METTL8: variants seen among roughly 807,000 people sequenced by gnomAD.
METTL8 encodes the protein tRNA N(3)-cytidine methyltransferase METTL8, mitochondrial.
A neutral mutation model predicts 48.7 loss-of-function variants in METTL8; 32 were observed. The observed-to-expected ratio is 0.66, with a 90% confidence interval of 0.50 to 0.88. The LOEUF (loss-of-function observed/expected upper bound fraction) is 0.88. Ranked by LOEUF, METTL8 falls within the 40% of genes least tolerant of loss-of-function variation. The pLI is 0.00. For missense variants in METTL8, 464 were observed against 474.4 expected, an observed-to-expected ratio of 0.98 and a Z score of 0.20; for synonymous variants, 136 against 157.1, an observed-to-expected ratio of 0.87 and a Z score of 1.01.
chr2:171,376,755 T>C lies in METTL8; in HGVS notation c.143+15288A>G, dbSNP rs189230662. ...TGCTCATGGATGGGTACAATCAATA[T>C]TGTAAAAATTACCGTACTGCCAAAA... is the stretch of plus-strand genomic sequence containing the variant. On this transcript the variant is annotated intron_variant, in intron 2 of 9. Coordinates refer to ENST00000375258, the MANE Select transcript of METTL8 (RefSeq NM_001321154.2). Among the ~76,000 whole-genome samples the C allele has an allele frequency of 9.8e-5, 15 of 152,296 alleles. No individual in the cohort carries two copies. In the East Asian group the frequency reaches 1.9e-3, roughly 20 times the overall value.
chr2:171,396,913 G>C (rs1243708262), intron 1 of METTL8, among the ~76,000 whole-genome samples: 1 of 150,852 alleles, frequency 6.6e-6, no homozygotes, highest in African/African-American at 2.4e-5. Context: ...GAGTGCAATG[G>C]CACGATCATA....
intron 3 of METTL8, among the ~76,000 whole-genome samples, chr2:171,341,998 T>C (rs1443904091): frequency 1.3e-5 from 2 of 152,190 alleles, no homozygotes; most frequent in African/African-American, 2.4e-5. Context: ...TTTTGATCCA[T>C]GTGAATTTAC....
intron 2 of METTL8, among the ~76,000 whole-genome samples, chr2:171,368,708 T>A (rs1685973240): frequency 6.6e-6 from 1 of 152,152 alleles, no homozygotes; most frequent in South Asian, 2.1e-4. Flanking sequence ...AAAGGATCTA[T>A]CCAAAGTGCA....
At chr2:171,348,786 TTC>T (rs1683566976) in intron 3 of METTL8, among the ~76,000 whole-genome samples, 2 of 152,132 alleles carry the variant, frequency 1.3e-5, no homozygotes, top group Non-Finnish European at 1.5e-5. Context: ...TTGTATAAAT[TTC>T]TGTGTCTATT....
rs185968745 is a variant in METTL8, at chr2:171,370,770, A to G, written c.144-10257T>C. ...CAGGCCACTGCACTCCAGCCTGGGCAACAGAGTGAGACTCCGTCTCAAAAA... is the reference window on the plus strand; with the variant it reads ...CAGGCCACTGCACTCCAGCCTGGGCGACAGAGTGAGACTCCGTCTCAAAAA... On this transcript the variant is annotated intron_variant, in intron 2 of 9. Coordinates refer to ENST00000375258, the MANE Select transcript of METTL8 (RefSeq NM_001321154.2). Among the ~76,000 whole-genome samples the G allele has an allele frequency of 1.4e-3, 214 of 152,266 alleles. 4 individuals are homozygous for G. In the East Asian group the frequency reaches 0.015, roughly 11 times the overall value.
At chr2:171,330,751 A>T in intron 6 of METTL8, 53 bp from the exon 7 acceptor site, 1 of 1,196,398 alleles carries the variant, frequency 8.4e-7, no homozygotes, top group South Asian at 1.7e-5. Context: ...GACTTCCGGG[A>T]TTTTTTTTTT....
chr2:171,411,518 A>C (rs1690746073), intron 1 of METTL8, among the ~76,000 whole-genome samples: 1 of 152,238 alleles, frequency 6.6e-6, no homozygotes, highest in South Asian at 2.1e-4. Flanking sequence ...AACGAGTTAG[A>C]ATACATATAT....
rs1454667655 is a variant in METTL8 at position 171,339,166 on chromosome 2, G to T, written c.606+18C>A. On this transcript the variant is annotated intron_variant, in intron 4 of 9. Transcript: ENST00000375258. ...AAATTATTTGTCACCTCCCATTTTT[G>T]TCCCTTGAGCACAATACCTCTAGTA... 1 of 1,423,536 alleles carries T rather than the reference G, an allele frequency of 7.0e-7. No homozygotes were observed. Among genetic ancestry groups the T allele is most frequent in the Non-Finnish European group, 9.3e-7 (1 of 1,079,970 alleles). The allele number at this position is 1,423,536 out of a possible 1,614,324, so 88.2% of individuals were successfully genotyped here. A position where few individuals can be genotyped will look rare whatever the true frequency, so the allele number is the denominator to read the frequency against.
chr2:171,384,900 C>T (rs933464498), intron 2 of METTL8, among the ~76,000 whole-genome samples: 2 of 151,746 alleles, frequency 1.3e-5, no homozygotes, highest in African/African-American at 4.8e-5. Flanking sequence ...ACTAGTAATA[C>T]AAATACCCAG....
chr2:171,331,582 A>AAT (rs1243858105), intron 6 of METTL8, among the ~76,000 whole-genome samples: 2 of 151,494 alleles, frequency 1.3e-5, no homozygotes, highest in Non-Finnish European at 2.9e-5. Context: ...ACAGCCAGCT[A>AAT]ATTTTTTTAT....
At chr2:171,381,687 A>G (rs182469072) in intron 2 of METTL8, among the ~76,000 whole-genome samples, 145 of 152,346 alleles carry the variant, frequency 9.5e-4, no homozygotes, top group Admixed American at 2.6e-3. Context: ...TGCAAATCAA[A>G]ACCATGATGA....
rs1201039347 is a variant in METTL8 at position 171,321,927 on chromosome 2, A to G, written c.*2245T>C. The G allele has an allele frequency of 2.0e-5, 3 of 152,132 alleles. No individual in the cohort carries two copies. Among genetic ancestry groups the G allele is most frequent in the African/African-American group, 7.2e-5 (3 of 41,428 alleles). 9.4% of individuals were successfully genotyped at this position (152,132 alleles called of 1,614,324 possible). ...TTCTACAAAATGTGATTTGCAAGCC[A>G]ACTTATGTCCTTTTTGAAGCAAGGG... On this transcript the variant is annotated 3_prime_UTR_variant, in exon 10 of 10. Coordinates refer to ENST00000375258, the MANE Select transcript of METTL8 (RefSeq NM_001321154.2).
At position 171,340,198 on chromosome 2, in the gene METTL8, C is replaced by CA. The variant is rs35343261; in HGVS notation, c.236-645dup. ...GGGCAACAAGAGTGAAACTCTGTCT[C>CA]AAAAAAAAAAAAAAAGAATGAGGGC... On this transcript the variant is annotated intron_variant, in intron 3 of 9. Coordinates refer to ENST00000375258, the MANE Select transcript of METTL8 (RefSeq NM_001321154.2). Among the ~76,000 whole-genome samples, 488 of 127,408 alleles carry CA rather than the reference C, an allele frequency of 3.8e-3. 1 individual carries two copies. Among genetic ancestry groups the CA allele is most frequent in the African/African-American group, 0.013 (436 of 33,590 alleles). The allele number at this position is 127,408 out of a possible 152,430, so 83.6% of individuals were successfully genotyped here.
intron 3 of METTL8, among the ~76,000 whole-genome samples, chr2:171,349,624 A>G (rs1291463924): frequency 6.6e-6 from 1 of 152,198 alleles, no homozygotes; most frequent in Non-Finnish European, 1.5e-5. Context: ...TGCTATGAAC[A>G]TAGGTGTGCA....
chr2:171,423,741 T>C (rs369283760), intron 1 of METTL8, among the ~76,000 whole-genome samples: 9 of 152,224 alleles, frequency 5.9e-5, no homozygotes, highest in African/African-American at 2.2e-4. Flanking sequence ...AAGCAGAGCA[T>C]AAACGTTTGA....
chr2:171,347,210 G>T (rs1034231686), intron 3 of METTL8, among the ~76,000 whole-genome samples: 3 of 152,146 alleles, frequency 2.0e-5, no homozygotes, highest in African/African-American at 7.2e-5. Context: ...AACTTGCACA[G>T]AAAGAGACTG....
chr2:171,422,513 T>C (rs889117415), intron 1 of METTL8, among the ~76,000 whole-genome samples: 1 of 152,244 alleles, frequency 6.6e-6, no homozygotes, highest in African/African-American at 2.4e-5. Flanking sequence ...CTTCTTTTTT[T>C]ATATAGTATC....
At chr2:171,341,284 C>T (rs928903492) in intron 3 of METTL8, among the ~76,000 whole-genome samples, 5 of 150,624 alleles carry the variant, frequency 3.3e-5, no homozygotes, top group African/African-American at 1.2e-4. Context: ...GCCGAGATCA[C>T]GCCATTGCAC....
rs563301311 is a variant in METTL8 at position 171,355,017 on chromosome 2, C to T, written c.235+5405G>A. 7.2e-4 allele frequency among the ~76,000 whole-genome samples: 110 copies of T among 152,306 alleles called. 1 individual carries two copies. The highest frequency in any genetic ancestry group is 1.1e-3 in the Non-Finnish European group (76 of 68,038). On this transcript the variant is annotated intron_variant, in intron 3 of 9. Coordinates refer to ENST00000375258, the MANE Select transcript of METTL8 (RefSeq NM_001321154.2). ...CTTTGTTCCATTGCTGGCGAGGAAC[C>T]GCGTTCCTTTGGAGGAGAAGAGGCG...
Sources: gnomAD v4.1 joint callset for allele counts (sites outside exome capture counted in the v4.1 genomes callset) on GRCh38, gnomAD v4.1.1 for gene constraint, MANE v1.5 for transcripts, NCBI Gene and HGNC (gene_info 2026-07-23, HGNC 2026-07-21) for gene names.